Variants in ADGRL3 observed in about 807,000 individuals in gnomAD.
ADGRL3 encodes the protein calcium-independent alpha-latrotoxin receptor 3.
In ADGRL3, 62 loss-of-function variants were observed where a neutral mutation model predicts 153.5. That is an observed-to-expected ratio of 0.40 (90% confidence interval 0.33 to 0.50). The LOEUF (loss-of-function observed/expected upper bound fraction) is 0.50, where lower values mean the gene tolerates loss of function less well. Ranked by LOEUF, ADGRL3 falls within the 20% of genes least tolerant of loss-of-function variation. ADGRL3 has a pLI of 0.47. For missense variants in ADGRL3, 1,641 were observed against 1,859.4 expected (o/e 0.88, Z 2.16); for synonymous variants, 710 against 672.5 (o/e 1.06, Z -0.86).
intron 4 of ADGRL3, among the ~76,000 whole-genome samples, chr4:61,520,043 T>C (rs2098520537): frequency 6.6e-6 from 1 of 152,216 alleles, no homozygotes; most frequent in Admixed American, 6.5e-5. Flanking sequence ...GCTTTGTTTT[T>C]TCCCCCCTTT....
chr4:62,052,138 C>T (rs1482268942), intron 25 of ADGRL3, among the ~76,000 whole-genome samples: 3 of 151,564 alleles, frequency 2.0e-5, no homozygotes, highest in Non-Finnish European at 3.0e-5. Context: ...TCCAAGATCA[C>T]ATGACTATTA....
chr4:61,757,902 T>C (rs1485917576), intron 8 of ADGRL3, among the ~76,000 whole-genome samples: 2 of 152,196 alleles, frequency 1.3e-5, no homozygotes, highest in Non-Finnish European at 2.9e-5. Context: ...CAGGAGCAGG[T>C]TGCTCAGTTT....
chr4:61,563,901 G>A (rs1263627269), intron 4 of ADGRL3, among the ~76,000 whole-genome samples: 2 of 152,024 alleles, frequency 1.3e-5, no homozygotes, highest in Admixed American at 6.6e-5. Context: ...CCAGCTACTC[G>A]AGAGGCTGAG....
In ADGRL3 at chr4:62,058,680, G is replaced by A. The variant is rs75529489; in HGVS notation, c.3815-9486G>A. ...ATGTATGTCTTCAAACTGACTAACC[G>A]GTAAGCCCAACTTTTCAGCTGAAAA... On this transcript the variant is annotated intron_variant, in intron 25 of 26. Transcript: ENST00000683033. Among the ~76,000 whole-genome samples, 24 of 152,094 alleles carry A rather than the reference G, an allele frequency of 1.6e-4. No individual in the cohort carries two copies. In the East Asian group the frequency reaches 3.1e-3, roughly 20 times the overall value.
chr4:61,340,030 A>ACT, intron 1 of ADGRL3, among the ~76,000 whole-genome samples: 1 of 152,184 alleles, frequency 6.6e-6, no homozygotes, highest in Non-Finnish European at 1.5e-5. Context: ...GGCTGTGTAA[A>ACT]GAGTGTGAAG....
At chr4:61,306,288 C>T (rs184183639) in intron 1 of ADGRL3, among the ~76,000 whole-genome samples, 8 of 151,884 alleles carry the variant, frequency 5.3e-5, no homozygotes, top group African/African-American at 1.7e-4. Context: ...TTAGTAGAGA[C>T]GGGGTTTCAC....
chr4:61,327,502 T>A (rs1464908420), intron 1 of ADGRL3, among the ~76,000 whole-genome samples: 1 of 151,940 alleles, frequency 6.6e-6, no homozygotes, highest in Non-Finnish European at 1.5e-5. Flanking sequence ...CTTGTTGAGT[T>A]CAAAGTTCTT....
At chr4:61,831,949 T>A (rs1213184575) in intron 9 of ADGRL3, among the ~76,000 whole-genome samples, 1 of 151,944 alleles carries the variant, frequency 6.6e-6, no homozygotes, top group Non-Finnish European at 1.5e-5. Flanking sequence ...AGATTAAGCT[T>A]CATATAGAAG....
At chr4:61,518,743 T>A (rs1235937037) in intron 4 of ADGRL3, among the ~76,000 whole-genome samples, 1 of 152,122 alleles carries the variant, frequency 6.6e-6, no homozygotes, top group African/African-American at 2.4e-5. Context: ...GGCAGCAAAG[T>A]GGTGGGCGAG....
Position 61,223,395 on chromosome 4 carries a change from G to A in ADGRL3, c.-240+21630G>A, listed in dbSNP as rs1180012361. ...ACAACTTACAATATAAGCAGAGAGTGATGCAAAATTGTTTTTTATGGATTT... is the reference window on the plus strand; with the variant it reads ...ACAACTTACAATATAAGCAGAGAGTAATGCAAAATTGTTTTTTATGGATTT... On this transcript the variant is annotated intron_variant, in intron 1 of 26. Coordinates refer to ENST00000683033, the MANE Select transcript of ADGRL3 (RefSeq NM_001387552.1). 2.6e-5 allele frequency among the ~76,000 whole-genome samples: 4 copies of A among 152,190 alleles called. No individual in the cohort carries two copies. The East Asian group carries it at 5.8e-4, about 22-fold the overall frequency.
At chr4:61,677,625 GTTAA>G (rs1386330297) in intron 6 of ADGRL3, among the ~76,000 whole-genome samples, 5 of 151,786 alleles carry the variant, frequency 3.3e-5, no homozygotes, top group African/African-American at 1.2e-4. Context: ...TATCTAACTC[GTTAA>G]TTATTTATGA....
At chr4:61,226,056 C>T (rs1747816916) in intron 1 of ADGRL3, among the ~76,000 whole-genome samples, 1 of 152,146 alleles carries the variant, frequency 6.6e-6, no homozygotes, top group East Asian at 1.9e-4. Context: ...CCAAAATTAC[C>T]ATATAGAATT....
chr4:61,836,975 A>C (rs1342828841), intron 9 of ADGRL3, among the ~76,000 whole-genome samples: 1 of 152,158 alleles, frequency 6.6e-6, no homozygotes, highest in African/African-American at 2.4e-5. Flanking sequence ...CTGAATGGCA[A>C]TTCTAAACCT....
chr4:61,418,376 A>T (rs2152315460), intron 2 of ADGRL3, among the ~76,000 whole-genome samples: 1 of 152,296 alleles, frequency 6.6e-6, no homozygotes, highest in East Asian at 1.9e-4. Flanking sequence ...CAATTGTCTG[A>T]TATTCTGCAA....
At chr4:61,510,874 T>C (rs968799945) in intron 3 of ADGRL3, among the ~76,000 whole-genome samples, 1 of 152,188 alleles carries the variant, frequency 6.6e-6, no homozygotes, top group Non-Finnish European at 1.5e-5. Flanking sequence ...ATTCTAGCAA[T>C]ATTAATTCTT....
At chr4:61,696,341 C>A (rs774319796) in intron 6 of ADGRL3, among the ~76,000 whole-genome samples, 1 of 152,132 alleles carries the variant, frequency 6.6e-6, no homozygotes, top group African/African-American at 2.4e-5. Flanking sequence ...TGCCCAGGAA[C>A]TGGTAAGTTA....
At chr4:61,780,388 G>A (rs1197720575) in intron 8 of ADGRL3, among the ~76,000 whole-genome samples, 3 of 152,178 alleles carry the variant, frequency 2.0e-5, no homozygotes, top group Non-Finnish European at 4.4e-5. Context: ...CTGTTCATAT[G>A]TTGGAGGCGG....
chr4:61,806,895 G>T (rs1260577337), intron 8 of ADGRL3, among the ~76,000 whole-genome samples: 1 of 152,036 alleles, frequency 6.6e-6, no homozygotes, highest in Non-Finnish European at 1.5e-5. Flanking sequence ...GTCTTGCATA[G>T]TCACAATGTC....
chr4:61,682,042 C>CA (rs1199270242), intron 6 of ADGRL3, among the ~76,000 whole-genome samples: 4 of 152,066 alleles, frequency 2.6e-5, no homozygotes, highest in African/African-American at 4.8e-5. Flanking sequence ...ATGATAAACA[C>CA]AAAAACTCTT....
Sources: allele counts gnomAD v4.1 joint callset (sites outside exome capture counted in the v4.1 genomes callset), GRCh38; gene constraint gnomAD v4.1.1; transcripts MANE v1.5; gene names NCBI Gene and HGNC (gene_info 2026-07-23, HGNC 2026-07-21).